Variants in PLCB1 observed in about 807,000 individuals in gnomAD.
PLCB1 encodes the protein phospholipase C beta 1.
Under a neutral mutation model 161.8 loss-of-function variants are expected in PLCB1, and 46 were observed. That is an observed-to-expected ratio of 0.28 (90% CI 0.22 to 0.36). PLCB1 has a LOEUF of 0.36. Ranked by LOEUF, PLCB1 falls within the 10% of genes least tolerant of loss-of-function variation. The pLI is 1.00. For synonymous variants in PLCB1, 517 were observed against 503.7 expected (o/e 1.03, Z -0.35); for missense variants, 1,016 against 1,472.5 (o/e 0.69, Z 5.07).
intron 7 of PLCB1, among the ~76,000 whole-genome samples, chr20:8,655,251 A>G (rs1278977098): frequency 6.6e-6 from 1 of 152,136 alleles, no homozygotes; most frequent in Non-Finnish European, 1.5e-5. Context: ...TGATATTTCA[A>G]AGGAAATAAC....
intron 2 of PLCB1, among the ~76,000 whole-genome samples, chr20:8,309,442 A>G (rs1157933319): frequency 2.0e-5 from 3 of 152,220 alleles, no homozygotes; most frequent in African/African-American, 4.8e-5. Context: ...ATAAGAAAAC[A>G]TAACATCCTC....
rs796318352 is a variant in PLCB1 at position 8,541,605 on chromosome 20, A to AAAGAAAGAAAGAAAGAAGG, written c.247-86686_247-86685insAAAGAAAGAAAGAAGGAAG. Among the ~76,000 whole-genome samples the AAAGAAAGAAAGAAAGAAGG allele has an allele frequency of 2.7e-5, 4 of 149,992 alleles. No homozygotes were observed. The South Asian group carries it at 8.5e-4, about 32-fold the overall frequency. On this transcript the variant is annotated intron_variant, in intron 3 of 31. Coordinates refer to ENST00000338037, the MANE Select transcript of PLCB1 (RefSeq NM_015192.4). ...GAAAGAAAGAAAGAAAGAAAGAAAG[A>AAAGAAAGAAAGAAAGAAGG]AAGGAAGGAAGATAGTAATGAAATG...
chr20:8,793,892 G>A (rs372129431), intron 31 of PLCB1, among the ~76,000 whole-genome samples: 6 of 152,306 alleles, frequency 3.9e-5, no homozygotes, highest in African/African-American at 1.2e-4. Context: ...AGCCTCAACA[G>A]TAAGAGACAG....
rs557675971 is a variant in PLCB1, at chr20:8,777,917, T to C, written c.3111+3198T>C. Among the ~76,000 whole-genome samples, 9 of 152,204 alleles carry C rather than the reference T, an allele frequency of 5.9e-5. No homozygotes were observed. In the East Asian group the frequency reaches 1.5e-3, roughly 26 times the overall value. ...GCAGCAGGCACAGAAAGAGTGCTTG[T>C]GCAGGGACATTTCTCTTTTTAAAAC... is the stretch of plus-strand genomic sequence containing the variant. On this transcript the variant is annotated intron_variant, in intron 27 of 31. Coordinates refer to ENST00000338037, the MANE Select transcript of PLCB1 (RefSeq NM_015192.4).
chr20:8,386,438 C>T (rs1401798833), intron 3 of PLCB1, among the ~76,000 whole-genome samples: 1 of 152,150 alleles, frequency 6.6e-6, no homozygotes, highest in Non-Finnish European at 1.5e-5. Context: ...GAAAGGAATC[C>T]TTTCTCAGCA....
chr20:8,875,385 C>T (rs1284416483), intron 31 of PLCB1, among the ~76,000 whole-genome samples: 1 of 147,630 alleles, frequency 6.8e-6, no homozygotes, highest in African/African-American at 2.5e-5. Context: ...TTTTATATTA[C>T]AAAGTGGTAT....
intron 31 of PLCB1, among the ~76,000 whole-genome samples, chr20:8,807,529 A>C (rs1222431146): frequency 2.6e-5 from 4 of 151,906 alleles, no homozygotes; most frequent in Non-Finnish European, 2.9e-5. Flanking sequence ...GGAACCGTGA[A>C]TGCTTTAAGT....
At position 8,624,793 on chromosome 20, in the gene PLCB1, A is replaced by G. The variant is rs181834719; in HGVS notation, c.247-3501A>G. Among the ~76,000 whole-genome samples the G allele has an allele frequency of 6.2e-4, 94 of 152,344 alleles. 1 individual carries two copies. The highest frequency in any genetic ancestry group is 2.0e-3 in the African/African-American group (84 of 41,586). ...AGAGAAAATGAATTTACTTAGTCAG[A>G]CAGTCTTTATTTGGTAGCACTTATG... is the stretch of plus-strand genomic sequence containing the variant. On this transcript the variant is annotated intron_variant, in intron 3 of 31. Transcript: ENST00000338037.
intron 2 of PLCB1, among the ~76,000 whole-genome samples, chr20:8,342,692 G>A (rs756736315): frequency 6.6e-6 from 1 of 152,186 alleles, no homozygotes; most frequent in Non-Finnish European, 1.5e-5. Flanking sequence ...CCTGTTCTCA[G>A]CAAATCCCAT....
At chr20:8,795,383 G>A (rs1187818369) in intron 31 of PLCB1, among the ~76,000 whole-genome samples, 2 of 152,174 alleles carry the variant, frequency 1.3e-5, no homozygotes, top group Admixed American at 1.3e-4. Flanking sequence ...CTGCACATAA[G>A]TCCCATGGAA....
rs182656131 is a variant in PLCB1 at position 8,857,917 on chromosome 20, A to G, written c.3424-23705A>G. Among the ~76,000 whole-genome samples the G allele has an allele frequency of 1.5e-3, 234 of 152,174 alleles. 1 individual carries two copies. The highest frequency in any genetic ancestry group is 3.7e-3 in the Admixed American group (56 of 15,272). ...TTTGTATCTTTTGGTAATTTTTTTCAATTGAGTGATTGGTCTTCTCATTAC... is the reference window on the plus strand; with the variant it reads ...TTTGTATCTTTTGGTAATTTTTTTCGATTGAGTGATTGGTCTTCTCATTAC... On this transcript the variant is annotated intron_variant, in intron 31 of 31. Transcript: ENST00000338037.
intron 4 of PLCB1, among the ~76,000 whole-genome samples, chr20:8,644,720 C>G (rs976613130): frequency 4.8e-4 from 73 of 151,452 alleles, no homozygotes; most frequent in Admixed American, 8.5e-4. Context: ...GTCAGCCCCC[C>G]GCCCTGCCAG....
intron 3 of PLCB1, among the ~76,000 whole-genome samples, chr20:8,587,783 G>A (rs1368233674): frequency 1.3e-5 from 2 of 152,166 alleles, no homozygotes; most frequent in East Asian, 3.8e-4. Flanking sequence ...AAAGAGACAA[G>A]TAGCATATGA....
At chr20:8,868,674 C>T (rs561066714) in intron 31 of PLCB1, among the ~76,000 whole-genome samples, 2 of 152,298 alleles carry the variant, frequency 1.3e-5, no homozygotes, top group Admixed American at 1.3e-4. Flanking sequence ...CTCTGTCACC[C>T]AGGCTGGAGT....
intron 3 of PLCB1, among the ~76,000 whole-genome samples, chr20:8,609,419 A>C (rs530525840): frequency 6.6e-6 from 1 of 152,304 alleles, no homozygotes; most frequent in South Asian, 2.1e-4. Context: ...AGTTTAAGAG[A>C]GTTAAGAATT....
chr20:8,647,797 C>A, intron 5 of PLCB1, 103 bp from the exon 6 acceptor site: 2 of 862,976 alleles, frequency 2.3e-6, no homozygotes, highest in South Asian at 1.4e-5. Flanking sequence ...GGAAATTCAG[C>A]AAAATGTACA....
At chr20:8,716,636 G>T (rs1979329557) in intron 13 of PLCB1, among the ~76,000 whole-genome samples, 1 of 152,168 alleles carries the variant, frequency 6.6e-6, no homozygotes, top group Non-Finnish European at 1.5e-5. Flanking sequence ...GACAGTCCAA[G>T]AGGACAGGCC....
rs547291117 is a variant in PLCB1, at chr20:8,741,636, T to C, written c.2523+63T>C. The C allele has an allele frequency of 2.0e-5, 21 of 1,032,306 alleles. 1 individual carries two copies. The highest frequency in any genetic ancestry group is 1.3e-4 in the South Asian group (10 of 74,878). 63.9% of individuals were successfully genotyped at this position (1,032,306 alleles called of 1,614,324 possible). On this transcript the variant is annotated intron_variant, in intron 23 of 31. Coordinates refer to ENST00000338037, the MANE Select transcript of PLCB1 (RefSeq NM_015192.4). ...ATGATCACCACACCTACTTGTTGGC[T>C]TTGCCTAAGTAATATCACATACCTT...
chr20:8,152,567 A>C (rs2051520147), intron 2 of PLCB1, among the ~76,000 whole-genome samples: 1 of 152,180 alleles, frequency 6.6e-6, no homozygotes, highest in African/African-American at 2.4e-5. Flanking sequence ...ACTTTTTAAA[A>C]AATATTTTTT....
Sources: allele counts gnomAD v4.1 joint callset (sites outside exome capture counted in the v4.1 genomes callset), GRCh38; gene constraint gnomAD v4.1.1; transcripts MANE v1.5; gene names NCBI Gene and HGNC (gene_info 2026-07-23, HGNC 2026-07-21).